HBS1L: variants seen among roughly 807,000 people sequenced by gnomAD.
HBS1L encodes the protein HBS1-like protein.
Under a neutral mutation model 88.9 loss-of-function variants are expected in HBS1L, and 55 were observed. The observed-to-expected ratio is 0.62, with a 90% CI of 0.50 to 0.77. The LOEUF is 0.77. HBS1L is among the 30% of genes least tolerant of loss of function. The pLI, the probability that HBS1L is intolerant of heterozygous loss-of-function variation, is 0.00. For synonymous variants in HBS1L, 267 were observed against 288.5 expected (o/e 0.93, Z 0.76); for missense variants, 741 against 829.3 (o/e 0.89, Z 1.31).
At chr6:134,982,326 A>T (rs1774853263) in intron 13 of HBS1L, 132 bp downstream of exon 13, 10 of 610,312 alleles carry the variant, frequency 1.6e-5, no homozygotes, top group Non-Finnish European at 3.0e-5. Flanking sequence ...TTCAACAGTC[A>T]GTATCATTTT....
chr6:134,985,354 G>A lies in HBS1L; in HGVS notation c.1479C>T (p.Ser493=), dbSNP rs762333191. 24 of 1,603,526 alleles carry A rather than the reference G, an allele frequency of 1.5e-5. No individual in the cohort carries two copies. The highest frequency in any genetic ancestry group is 5.1e-5 in the Admixed American group (3 of 58,552). ...GGTAGCACTTACCTTTGAAAACATC[G>A]GACACACATAATCTAAAAGGTTTGT... is the stretch of plus-strand genomic sequence containing the variant. ...SIDKPFRLCV[S]DVFKDQGSGF... is the part of the protein sequence containing the mutation. Residue 493 remains serine, a synonymous_variant, in exon 12 of 18, where the codon TCC becomes TCT. Coordinates refer to ENST00000367837, the MANE Select transcript of HBS1L (RefSeq NM_006620.4).
At chr6:135,006,328 T>C (rs1775610788) in intron 4 of HBS1L, among the ~76,000 whole-genome samples, 3 of 152,202 alleles carry the variant, frequency 2.0e-5, no homozygotes. Flanking sequence ...GGAAATAAGG[T>C]AGTCAAAGAA....
chr6:135,049,073 A>G (rs74741806), intron 2 of HBS1L, among the ~76,000 whole-genome samples: 142 of 152,364 alleles, frequency 9.3e-4, no homozygotes, highest in African/African-American at 3.1e-3. Context: ...CTAGAGGGTA[A>G]TTAAGACAAG....
intron 15 of HBS1L, among the ~76,000 whole-genome samples, chr6:134,971,707 A>C (rs573033023): frequency 2.6e-5 from 4 of 152,324 alleles, no homozygotes; most frequent in Non-Finnish European, 5.9e-5. Context: ...TATAATTCAA[A>C]GTAATGTGCA....
chr6:134,969,761 T>A (rs9402670), intron 15 of HBS1L, among the ~76,000 whole-genome samples: 5 of 152,110 alleles, frequency 3.3e-5, no homozygotes, highest in Non-Finnish European at 7.4e-5. Context: ...CTTCTGTCTG[T>A]ACCTCAGTTT....
In HBS1L at chr6:134,963,024, T is replaced by G. The variant is rs777860621; in HGVS notation, c.*2255A>C. ...GAGAAGGAAGGAATGAATAAATGCA[T>G]TCATTTCTACTACTATTTGTTTATG... On this transcript the variant is annotated 3_prime_UTR_variant, in exon 18 of 18. Transcript: ENST00000367837. 1 of 152,334 alleles carries G rather than the reference T, an allele frequency of 6.6e-6. No homozygotes were observed. The highest frequency in any genetic ancestry group is 2.4e-5 in the African/African-American group (1 of 41,576). 9.4% of individuals were successfully genotyped at this position (152,334 alleles called of 1,614,324 possible).
intron 1 of HBS1L, among the ~76,000 whole-genome samples, chr6:135,053,306 C>T (rs1777145534): frequency 6.6e-6 from 1 of 152,158 alleles, no homozygotes; most frequent in Non-Finnish European, 1.5e-5. Flanking sequence ...ATCTGTAACT[C>T]GTATAATCTT....
chr6:135,002,844 T>C lies in HBS1L; in HGVS notation c.431-2A>G. On this transcript the variant is annotated splice_acceptor_variant, in intron 4 of 17. Transcript: ENST00000367837. LOFTEE classifies it high-confidence loss of function. The stretch of plus-strand genomic sequence containing the variant: ...ATGTCTGGGAATCTACTGGTTTTCC[T>C]AGTTAAGGAGTAAAATATAAAAGGC... 6.3e-7 allele frequency: 1 copy of C among 1,599,144 alleles called. No individual in the cohort carries two copies. The highest frequency in any genetic ancestry group is 8.6e-7 in the Non-Finnish European group (1 of 1,166,932).
At chr6:135,051,647 G>A (rs898213263) in intron 1 of HBS1L, among the ~76,000 whole-genome samples, 5 of 152,114 alleles carry the variant, frequency 3.3e-5, no homozygotes, top group South Asian at 2.1e-4. Flanking sequence ...TTTACAGAGC[G>A]CTACGCCTGT....
At chr6:134,985,713 T>C (rs1304427338) in intron 11 of HBS1L, among the ~76,000 whole-genome samples, 3 of 152,052 alleles carry the variant, frequency 2.0e-5, no homozygotes, top group African/African-American at 7.2e-5. Flanking sequence ...ATAATGTAAA[T>C]ATTCCAAAAT....
chr6:134,988,621 C>T (rs1775048166), intron 8 of HBS1L, among the ~76,000 whole-genome samples: 2 of 152,118 alleles, frequency 1.3e-5, no homozygotes, highest in Non-Finnish European at 2.9e-5. Context: ...CCCTCTCTCC[C>T]ATTTTTACAA....
At chr6:135,054,450 C>T (rs926610824) in intron 1 of HBS1L, among the ~76,000 whole-genome samples, 199 bp downstream of exon 1, 22 of 152,220 alleles carry the variant, frequency 1.4e-4, no homozygotes, top group African/African-American at 4.8e-4. Context: ...ATAAAATCAA[C>T]CCCAGAGGGC....
At chr6:135,042,720 G>T (rs1473364257) in intron 2 of HBS1L, among the ~76,000 whole-genome samples, 1 of 151,742 alleles carries the variant, frequency 6.6e-6, no homozygotes, top group Non-Finnish European at 1.5e-5. Flanking sequence ...GAGGCAGGCA[G>T]GGGAACCGTT....
In HBS1L at chr6:134,982,463, A is replaced by G; in HGVS notation, c.1592T>C (p.Val531Ala). The G allele has an allele frequency of 1.3e-6, 2 of 1,590,762 alleles. No homozygotes were observed. Among genetic ancestry groups the G allele is most frequent in the African/African-American group, 1.3e-5 (1 of 74,482 alleles). Residue 531 changes from valine to alanine, a missense_variant, in exon 13 of 18, where the codon GTG (valine) becomes GCG (alanine). This residue lies in a region of HBS1L where 181 missense variants were observed against 212.7 expected (regional missense o/e 0.85). Transcript: ENST00000367837. ...AGCATCTTGCAGATAAATACCTTTCACGGTACAAGTTTCATTAGGAGGCAT... is the reference window on the plus strand; with the variant it reads ...AGCATCTTGCAGATAAATACCTTTCGCGGTACAAGTTTCATTAGGAGGCAT... The part of the protein sequence containing the change: ...LAMPPNETCT[V>A]KGITLHDEPV...
chr6:134,979,660 G>A (rs1301818557), intron 13 of HBS1L, among the ~76,000 whole-genome samples: 1 of 152,012 alleles, frequency 6.6e-6, no homozygotes. Context: ...ATGGGCTGGA[G>A]AAGATGTCTA....
chr6:134,966,296 G>A, intron 17 of HBS1L, 33 bp downstream of exon 17: 1 of 1,569,536 alleles, frequency 6.4e-7, no homozygotes, highest in Non-Finnish European at 8.7e-7. Flanking sequence ...TCATAACTAT[G>A]GATATATAAT....
intron 4 of HBS1L, 33 bp downstream of exon 4, chr6:135,039,539 TA>T: frequency 6.4e-7 from 1 of 1,566,144 alleles, no homozygotes; most frequent in Non-Finnish European, 8.7e-7. Context: ...ATTAACTATG[TA>T]AAACAAGTGA....
rs1583088613 is a variant in HBS1L, at chr6:134,995,999, A to G, written c.965+778T>C. On this transcript the variant is annotated intron_variant, in intron 7 of 17. Coordinates refer to ENST00000367837, the MANE Select transcript of HBS1L (RefSeq NM_006620.4). ...CATGAAAATCCAGATATATTCTCCA[A>G]TAATCAGATTGAAGACATCAGGGAA... Among the ~76,000 whole-genome samples the G allele has an allele frequency of 2.0e-5, 3 of 152,282 alleles. No individual in the cohort carries two copies. The South Asian group carries it at 6.2e-4, about 32-fold the overall frequency.
rs58274929 is a variant in HBS1L at position 134,961,090 on chromosome 6, C to CTTTTTTTTTTTTTTTTTTTT, written c.*4188_*4189insAAAAAAAAAAAAAAAAAAAA. ...TTGCTGTACAGACTTAGTTTCTTTG[C>CTTTTTTTTTTTTTTTTTTTT]TTTTTTTTTTTTTTTTTTTGCATTG... On this transcript the variant is annotated 3_prime_UTR_variant, in exon 18 of 18. Transcript: ENST00000367837. 3 of 106,222 alleles carry CTTTTTTTTTTTTTTTTTTTT rather than the reference C, an allele frequency of 2.8e-5. 1 individual carries two copies. Among genetic ancestry groups the CTTTTTTTTTTTTTTTTTTTT allele is most frequent in the Non-Finnish European group, 1.8e-5 (1 of 54,260 alleles). The allele number at this position is 106,222 out of a possible 1,614,324, so 6.6% of individuals were successfully genotyped here.
Sources: gnomAD v4.1 joint callset for allele counts (sites outside exome capture counted in the v4.1 genomes callset) on GRCh38, gnomAD v4.1.1 for gene constraint, gnomAD v4.1.1 regional missense constraint, MANE v1.5 for transcripts, NCBI Gene and HGNC (gene_info 2026-07-23, HGNC 2026-07-21) for gene names.